The following FMN1 variants were observed in gnomAD, a reference collection of about 807,000 sequenced individuals.
FMN1 encodes the protein formin 1.
FMN1 carries 110 observed loss-of-function variants against 132.4 expected under a neutral mutation model. The ratio of observed to expected loss-of-function variants is 0.83; its 90% confidence interval spans 0.71 to 0.97. FMN1 has a LOEUF of 0.97. Among genes scored for constraint, FMN1 ranks in the 50% least tolerant of loss-of-function variants. The probability of loss-of-function intolerance (pLI) is 0.00; values close to 1 mark genes in which losing one functional copy is unlikely to be tolerated. For missense variants in FMN1, 1,792 were observed against 1,705.3 expected (o/e 1.05, Z -0.90); for synonymous variants, 722 against 651.7 (o/e 1.11, Z -1.64).
chr15:33,173,707 T>C (rs1303661944), intron 3 of FMN1, among the ~76,000 whole-genome samples: 1 of 152,204 alleles, frequency 6.6e-6, no homozygotes, highest in African/African-American at 2.4e-5. Flanking sequence ...GGCGGGCGGA[T>C]CACCTGAGGT....
chr15:32,769,487 G>GTTA lies in FMN1; in HGVS notation c.*4820_*4822dup, dbSNP rs1354346530. 1 of 152,184 alleles carries GTTA rather than the reference G, an allele frequency of 6.6e-6. No individual in the cohort carries two copies. The highest frequency in any genetic ancestry group is 1.5e-5 in the Non-Finnish European group (1 of 68,028). The allele number at this position is 152,184 out of a possible 1,614,324, so 9.4% of individuals were successfully genotyped here. A position where few individuals can be genotyped will look rare whatever the true frequency, so the allele number is the denominator to read the frequency against. ...CAGACAAGCTGTGTAACTGAGCCCG[G>GTTA]TTATGCCTGGATTCAATTGCTAATG... On this transcript the variant is annotated 3_prime_UTR_variant, in exon 21 of 21. Coordinates refer to ENST00000616417, the MANE Select transcript of FMN1 (RefSeq NM_001277313.2).
chr15:33,171,989 C>T (rs1031169185), intron 3 of FMN1, among the ~76,000 whole-genome samples: 4 of 151,942 alleles, frequency 2.6e-5, no homozygotes, highest in African/African-American at 9.7e-5. Flanking sequence ...GCGGGTGGAT[C>T]ACGAGGTCAG....
intron 7 of FMN1, among the ~76,000 whole-genome samples, chr15:32,979,278 C>G (rs554208632): frequency 6.6e-6 from 1 of 151,964 alleles, no homozygotes; most frequent in Non-Finnish European, 1.5e-5. Context: ...ACCATTCGCC[C>G]GGCATGGTGG....
intron 10 of FMN1, among the ~76,000 whole-genome samples, chr15:32,918,273 G>A (rs1460441880): frequency 1.4e-4 from 22 of 151,768 alleles, no homozygotes; most frequent in Admixed American, 1.4e-3. Context: ...CACAGCACAC[G>A]AAGAAACACA....
chr15:33,096,447 T>A (rs959951246), intron 4 of FMN1, among the ~76,000 whole-genome samples: 3 of 152,166 alleles, frequency 2.0e-5, no homozygotes, highest in Non-Finnish European at 4.4e-5. Context: ...ATGGCCTCTA[T>A]AACACATCCA....
At chr15:33,029,739 C>T (rs1450114) in intron 6 of FMN1, among the ~76,000 whole-genome samples, 74,268 of 151,710 alleles carry the variant, frequency 0.49, 18,641 homozygotes, top group Middle Eastern at 0.53. Flanking sequence ...CAAGAGCTGA[C>T]AGACACAGAG....
chr15:32,869,942 A>T (rs1008553143), intron 16 of FMN1, among the ~76,000 whole-genome samples: 3 of 152,176 alleles, frequency 2.0e-5, no homozygotes, highest in Non-Finnish European at 4.4e-5. Context: ...GGCGTGAGGT[A>T]AATGGAGAAA....
At chr15:33,127,176 G>A (rs76553406) in intron 4 of FMN1, among the ~76,000 whole-genome samples, 6,853 of 149,330 alleles carry the variant, frequency 0.046, 225 homozygotes, top group Non-Finnish European at 0.068. Context: ...ACAGAGAGGA[G>A]GTCAGGCCAG....
intron 12 of FMN1, among the ~76,000 whole-genome samples, chr15:32,907,516 T>A (rs1042654771): frequency 5.3e-5 from 8 of 151,812 alleles, no homozygotes; most frequent in African/African-American, 1.9e-4. Flanking sequence ...TAACAGGCCA[T>A]GGGCTGGTAC....
chr15:32,913,838 G>A (rs2060620383), intron 10 of FMN1, among the ~76,000 whole-genome samples: 1 of 152,038 alleles, frequency 6.6e-6, no homozygotes, highest in Non-Finnish European at 1.5e-5. Flanking sequence ...GATGTTTGTG[G>A]GTATAATTAT....
intron 4 of FMN1, among the ~76,000 whole-genome samples, chr15:33,127,340 A>G (rs1963187020): frequency 1.3e-5 from 2 of 149,342 alleles, no homozygotes; most frequent in African/African-American, 4.9e-5. Context: ...CCTGGACCCT[A>G]AATCCCTCTA....
At chr15:32,963,404 G>A (rs1453253001) in intron 9 of FMN1, among the ~76,000 whole-genome samples, 2 of 151,846 alleles carry the variant, frequency 1.3e-5, no homozygotes, top group East Asian at 1.9e-4. Context: ...TAGATGACGC[G>A]TTAGTGGGTG....
At chr15:32,837,447 A>G (rs958475209) in intron 17 of FMN1, 1 of 152,548 alleles carries the variant, frequency 6.6e-6, no homozygotes, top group African/African-American at 2.4e-5. Context: ...TCTCTTTATT[A>G]TATGCTTGAT....
chr15:33,173,013 G>A (rs1965386477), intron 3 of FMN1, among the ~76,000 whole-genome samples: 1 of 152,080 alleles, frequency 6.6e-6, no homozygotes, highest in Admixed American at 6.6e-5. Context: ...TAATACAAGG[G>A]CAATACCATA....
intron 19 of FMN1, among the ~76,000 whole-genome samples, chr15:32,792,196 T>G (rs1265767060): frequency 6.7e-6 from 1 of 149,802 alleles, no homozygotes; most frequent in African/African-American, 2.5e-5. Flanking sequence ...GTGGCACACT[T>G]TGGGAGGCCG....
intron 7 of FMN1, among the ~76,000 whole-genome samples, chr15:33,002,232 T>C (rs913968319): frequency 6.6e-6 from 1 of 152,228 alleles, no homozygotes; most frequent in Non-Finnish European, 1.5e-5. Context: ...TAGAAAGGCA[T>C]GTTGAAGAAG....
At chr15:33,012,263 CCAAACACCAGGTA>C in intron 6 of FMN1, 1 of 715,920 alleles carries the variant, frequency 1.4e-6, no homozygotes, top group Non-Finnish European at 2.6e-6. Context: ...GTAATGAGAT[CCAAACACCAGGTA>C]TTCCAGAGGC....
In FMN1 at chr15:32,926,027, A is replaced by T. The variant is rs1310966136; in HGVS notation, c.3226+147T>A. ...AGAGGGGGGCATTTTCAGATAAAAC[A>T]AGAGTGAGTTGATGGTTCTGTAGCT... On this transcript the variant is annotated intron_variant, in intron 10 of 20. Transcript: ENST00000616417. The T allele has an allele frequency of 9.3e-6, 5 of 537,026 alleles. No individual in the cohort carries two copies. In the East Asian group the frequency reaches 1.7e-4, roughly 18 times the overall value. The allele number at this position is 537,026 out of a possible 1,614,324, so 33.3% of individuals were successfully genotyped here.
intron 7 of FMN1, among the ~76,000 whole-genome samples, chr15:32,998,998 A>G (rs1224365031): frequency 2.6e-5 from 4 of 152,222 alleles, no homozygotes; most frequent in Admixed American, 1.3e-4. Flanking sequence ...AGGAATCTCA[A>G]CACTAGTAAA....
Sources: gnomAD v4.1 joint callset for allele counts (sites outside exome capture counted in the v4.1 genomes callset) on GRCh38, gnomAD v4.1.1 for gene constraint, MANE v1.5 for transcripts, NCBI Gene and HGNC (gene_info 2026-07-23, HGNC 2026-07-21) for gene names.